Variants in FNBP1 observed in about 807,000 individuals in gnomAD.
FNBP1 encodes the protein formin-binding protein 1.
FNBP1 carries 26 observed loss-of-function variants against 90.6 expected under a neutral mutation model. The ratio of observed to expected loss-of-function variants is 0.29; its 90% CI spans 0.21 to 0.40. FNBP1 has a LOEUF of 0.40. Ranked by LOEUF, FNBP1 falls within the 10% of genes least tolerant of loss-of-function variation. The pLI, the probability that FNBP1 is intolerant of heterozygous loss-of-function variation, is 1.00. For synonymous variants in FNBP1, 260 were observed against 265.2 expected, an observed-to-expected ratio of 0.98 and a Z score of 0.19; for missense variants, 635 against 768.0, an observed-to-expected ratio of 0.83 and a Z score of 2.05.
intron 7 of FNBP1, among the ~76,000 whole-genome samples, chr9:129,929,140 T>C (rs957360776): frequency 6.6e-6 from 1 of 151,320 alleles, no homozygotes; most frequent in Non-Finnish European, 1.5e-5. Flanking sequence ...CCAGGCATGG[T>C]GGCTCAGGCC....
chr9:130,013,797 T>C (rs118163843), intron 1 of FNBP1: 1 of 451,366 alleles, frequency 2.2e-6, no homozygotes, highest in Non-Finnish European at 4.4e-6. Context: ...TTAATATCAT[T>C]ATCAAAGGAG....
intron 4 of FNBP1, among the ~76,000 whole-genome samples, chr9:129,975,902 TAAAAAAAAAAA>T (rs34630525): frequency 8.1e-5 from 6 of 73,920 alleles, no homozygotes; most frequent in African/African-American, 3.2e-4. Context: ...GACTCCATCT[TAAAAAAAAAAA>T]AAAAAAAAAA....
chr9:129,949,558 G>C (rs995648932), intron 6 of FNBP1, among the ~76,000 whole-genome samples: 3 of 152,074 alleles, frequency 2.0e-5, no homozygotes, highest in African/African-American at 7.2e-5. Flanking sequence ...TGGATGAATG[G>C]AGGTGATTTG....
At chr9:129,916,022 AAG>A in intron 10 of FNBP1, 42 bp from the exon 11 acceptor site, 40 of 1,479,896 alleles carry the variant, frequency 2.7e-5, no homozygotes, top group Non-Finnish European at 3.4e-5. Flanking sequence ...AATAGAGAGA[AAG>A]AGAGAGAGAA....
chr9:129,945,134 T>C (rs536616297), intron 6 of FNBP1, among the ~76,000 whole-genome samples: 77 of 152,310 alleles, frequency 5.1e-4, no homozygotes, highest in African/African-American at 1.8e-3. Flanking sequence ...GGAGTAAATA[T>C]AAACTCCACA....
chr9:129,955,833 GCGCACACACACACA>G (rs1226068873), intron 6 of FNBP1, among the ~76,000 whole-genome samples: 332 of 139,054 alleles, frequency 2.4e-3, no homozygotes, highest in African/African-American at 7.9e-3. Flanking sequence ...TTCTTTTAGC[GCGCACACACACACA>G]CACACACACA....
At chr9:130,004,977 A>T (rs1042642304) in intron 1 of FNBP1, among the ~76,000 whole-genome samples, 1 of 151,498 alleles carries the variant, frequency 6.6e-6, no homozygotes, top group African/African-American at 2.4e-5. Context: ...GAAGCAGGAG[A>T]ATCGCTTGAA....
intron 4 of FNBP1, among the ~76,000 whole-genome samples, chr9:129,972,056 C>T (rs2049534754): frequency 6.6e-6 from 1 of 152,154 alleles, no homozygotes; most frequent in Non-Finnish European, 1.5e-5. Flanking sequence ...TCTAGTCAGC[C>T]ACGAAAAATA....
chr9:129,910,033 C>A, intron 11 of FNBP1: 1 of 402,288 alleles, frequency 2.5e-6, no homozygotes. Flanking sequence ...TCTTGATTCC[C>A]TTTTCAGAAG....
At chr9:129,972,968 C>T (rs909068110) in intron 4 of FNBP1, among the ~76,000 whole-genome samples, 1 of 152,178 alleles carries the variant, frequency 6.6e-6, no homozygotes, top group Non-Finnish European at 1.5e-5. Context: ...TATTTGTCTT[C>T]TCATAATTGT....
chr9:129,971,699 G>T (rs2417160), intron 4 of FNBP1, among the ~76,000 whole-genome samples: 144,085 of 152,332 alleles, frequency 0.95, 68,387 homozygotes, highest in East Asian at 0.99. Flanking sequence ...CCTACAGTTA[G>T]ATTTGAAGAC....
At chr9:129,933,860 A>T (rs1312263326) in intron 6 of FNBP1, among the ~76,000 whole-genome samples, 1 of 152,194 alleles carries the variant, frequency 6.6e-6, no homozygotes, top group Non-Finnish European at 1.5e-5. Flanking sequence ...CAGTCCCTGC[A>T]TCCAGCTGCT....
chr9:129,890,329 G>A lies in FNBP1; in HGVS notation c.*210C>T, dbSNP rs2034984707. The A allele has an allele frequency of 3.3e-6, 2 of 597,420 alleles. No homozygotes were observed. Among genetic ancestry groups the A allele is most frequent in the South Asian group, 2.0e-5 (1 of 48,822 alleles). 37.0% of individuals were successfully genotyped at this position (597,420 alleles called of 1,614,324 possible). On this transcript the variant is annotated 3_prime_UTR_variant, in exon 17 of 17. Transcript: ENST00000446176. This position sits in a 1 kb window ranked among gnomAD's most constrained non-coding sequence, Gnocchi z 5.8. Reference sequence around the variant, plus strand: ...ACTGACCCGAGCCATGGGGGTGGGCGCTGGCGAGACTTGTCCCCCACGAGG... The same window carrying A: ...ACTGACCCGAGCCATGGGGGTGGGCACTGGCGAGACTTGTCCCCCACGAGG...
chr9:129,901,279 G>A (rs1481573936), intron 13 of FNBP1, among the ~76,000 whole-genome samples: 2 of 151,868 alleles, frequency 1.3e-5, no homozygotes, highest in African/African-American at 4.8e-5. Flanking sequence ...GGTGGTGAGC[G>A]CCTGTAATCC....
In FNBP1 at chr9:129,943,277, G is replaced by C. The variant is rs560298079; in HGVS notation, c.514-13582C>G. 2.6e-5 allele frequency among the ~76,000 whole-genome samples: 4 copies of C among 152,090 alleles called. No homozygotes were observed. The East Asian group carries it at 7.7e-4, about 29-fold the overall frequency. Reference sequence around the variant, plus strand: ...GCAACTGCTGAGCTCCTAGTGTTTTGCTGATGAAAGGACCAGGTGATTTCA... The same window carrying C: ...GCAACTGCTGAGCTCCTAGTGTTTTCCTGATGAAAGGACCAGGTGATTTCA... On this transcript the variant is annotated intron_variant, in intron 6 of 16. Coordinates refer to ENST00000446176, the MANE Select transcript of FNBP1 (RefSeq NM_015033.3).
intron 4 of FNBP1, among the ~76,000 whole-genome samples, chr9:129,964,861 C>A (rs1374765397): frequency 1.7e-4 from 25 of 145,180 alleles, no homozygotes; most frequent in South Asian, 4.3e-4. Flanking sequence ...ACAGCCCTTT[C>A]AAAAAAAAAA....
intron 10 of FNBP1, among the ~76,000 whole-genome samples, chr9:129,923,587 A>T (rs2041438799): frequency 2.0e-5 from 3 of 151,296 alleles, no homozygotes; most frequent in Admixed American, 2.0e-4. Context: ...GGAAAAAAAA[A>T]AAAAAGAAAG....
chr9:130,023,588 C>A (rs997313107), intron 1 of FNBP1, among the ~76,000 whole-genome samples: 2 of 152,146 alleles, frequency 1.3e-5, no homozygotes, highest in Non-Finnish European at 2.9e-5. Flanking sequence ...CAAGAGGGAC[C>A]AGCAACATAA....
intron 6 of FNBP1, among the ~76,000 whole-genome samples, chr9:129,930,264 C>T (rs1352619020): frequency 6.6e-6 from 1 of 151,900 alleles, no homozygotes; most frequent in Non-Finnish European, 1.5e-5. Context: ...GGTCTCACCA[C>T]ATTGCCCAGG....
Sources: gnomAD v4.1 joint callset for allele counts (sites outside exome capture counted in the v4.1 genomes callset) on GRCh38, gnomAD v4.1.1 for gene constraint, Gnocchi (gnomAD v3.1) non-coding constraint, MANE v1.5 for transcripts, NCBI Gene and HGNC (gene_info 2026-07-23, HGNC 2026-07-21) for gene names.